NCF2: variants seen among roughly 807,000 people sequenced by gnomAD.
NCF2 encodes neutrophil cytosol factor 2.
Under a neutral mutation model 70.9 loss-of-function variants are expected in NCF2, and 45 were observed. That is an observed-to-expected ratio of 0.63 (90% confidence interval 0.50 to 0.81). The LOEUF is 0.81. Among genes scored for constraint, NCF2 ranks in the 40% least tolerant of loss-of-function variants. NCF2 has a pLI of 0.00. For synonymous variants in NCF2, 203 were observed against 233.6 expected (o/e 0.87, Z 1.19); for missense variants, 522 against 631.6 (o/e 0.83, Z 1.86).
At chr1:183,565,482 C>T (rs1672260021) in intron 10 of NCF2, among the ~76,000 whole-genome samples, 1 of 152,322 alleles carries the variant, frequency 6.6e-6, no homozygotes, top group South Asian at 2.1e-4. Flanking sequence ...TTCACCCAAG[C>T]CCCGTGAGTG....
chr1:183,556,126 C>A lies in NCF2; in HGVS notation c.1573G>T (p.Glu525Ter). ...ATTDLESTRR[E>*]V ...GTAGTTTGTGAAACATCCTAGACTT[C>A]TCTCCGAGTGCTTTCCAAATCTGTA... Residue 525 changes from glutamate (E) to a stop codon, truncating the protein, a stop_gained, in exon 15 of 15, where the codon GAA becomes TAA. Coordinates refer to ENST00000367535, the MANE Select transcript of NCF2 (RefSeq NM_000433.4). LOFTEE classifies it high-confidence loss of function. The A allele has an allele frequency of 1.2e-6, 2 of 1,613,914 alleles. No homozygotes were observed. The highest frequency in any genetic ancestry group is 1.7e-6 in the Non-Finnish European group (2 of 1,179,752).
At chr1:183,572,609 C>G (rs1572161177) in intron 5 of NCF2, among the ~76,000 whole-genome samples, 1 of 152,136 alleles carries the variant, frequency 6.6e-6, no homozygotes, top group Non-Finnish European at 1.5e-5. Flanking sequence ...GGATCCCATG[C>G]TGATCTCTTT....
upstream of NCF2, among the ~76,000 whole-genome samples, chr1:183,591,602 C>T (rs572854374): frequency 1.3e-5 from 2 of 151,928 alleles, no homozygotes; most frequent in African/African-American, 4.8e-5. Context: ...CCTGCCTCAG[C>T]CTCCTGAGTA....
chr1:183,599,470 C>CTTTCTTTCTTTCT, the NCF2 span, among the ~76,000 whole-genome samples: 5 of 137,152 alleles, frequency 3.6e-5, no homozygotes, highest in Admixed American at 3.8e-4. Flanking sequence ...TTCTTTCTTT[C>CTTTCTTTCTTTCT]TTTCTTTCTT....
chr1:183,581,732 G>A (rs563719478), intron 2 of NCF2, among the ~76,000 whole-genome samples: 2 of 151,620 alleles, frequency 1.3e-5, no homozygotes, highest in Admixed American at 6.6e-5. Flanking sequence ...GCAGTGGCGC[G>A]ATCTCGGCTC....
At chr1:183,594,985 G>A (rs767366299), upstream of NCF2, among the ~76,000 whole-genome samples, 15 of 152,200 alleles carry the variant, frequency 9.9e-5, no homozygotes, top group African/African-American at 1.9e-4. Flanking sequence ...TCAGTCTTTC[G>A]CCATGTTTAG....
intron 13 of NCF2, among the ~76,000 whole-genome samples, 194 bp from the exon 14 acceptor site, chr1:183,560,467 T>C (rs980632088): frequency 2.0e-5 from 3 of 152,196 alleles, no homozygotes; most frequent in Admixed American, 1.3e-4. Flanking sequence ...CCCAACCTTT[T>C]TGGCACGAGG....
At chr1:183,566,175 A>G (rs1672290810) in intron 9 of NCF2, among the ~76,000 whole-genome samples, 1 of 152,220 alleles carries the variant, frequency 6.6e-6, no homozygotes, top group South Asian at 2.1e-4. Flanking sequence ...GCATTTGGAT[A>G]TGGTGACTGA....
upstream of NCF2, among the ~76,000 whole-genome samples, chr1:183,594,285 G>A (rs1338849879): frequency 6.6e-6 from 1 of 152,138 alleles, no homozygotes. Flanking sequence ...GCACATGCCT[G>A]TAGCCCCAGC....
intron 5 of NCF2, among the ~76,000 whole-genome samples, chr1:183,571,240 C>T (rs2102899435): frequency 6.6e-6 from 1 of 150,934 alleles, no homozygotes; most frequent in Admixed American, 6.6e-5. Flanking sequence ...GCCTCAGCCT[C>T]CCGAGTAGCT....
At chr1:183,565,597 G>T (rs1672265032) in intron 10 of NCF2, 107 bp downstream of exon 10, 3 of 1,113,180 alleles carry the variant, frequency 2.7e-6, no homozygotes, top group Non-Finnish European at 4.1e-6. Flanking sequence ...GTGACATGTT[G>T]GGAGAAGAAG....
At chr1:183,587,431 G>A (rs1673408144) in intron 1 of NCF2, among the ~76,000 whole-genome samples, 1 of 151,618 alleles carries the variant, frequency 6.6e-6, no homozygotes. Flanking sequence ...CCATCTCTAC[G>A]AAAAATTTAA....
At chr1:183,568,849 C>T (rs950058150) in intron 7 of NCF2, among the ~76,000 whole-genome samples, 8 of 152,024 alleles carry the variant, frequency 5.3e-5, no homozygotes, top group Non-Finnish European at 7.4e-5. Flanking sequence ...TGGCTGTGCA[C>T]GTGGACAGAG....
intron 2 of NCF2, among the ~76,000 whole-genome samples, chr1:183,581,814 T>C (rs933053109): frequency 1.9e-4 from 29 of 152,062 alleles, no homozygotes; most frequent in South Asian, 6.2e-4. Context: ...ACTACAGGCG[T>C]CCGCCACCGC....
the NCF2 span, among the ~76,000 whole-genome samples, chr1:183,599,405 T>G: frequency 1.4e-5 from 2 of 144,868 alleles, no homozygotes; most frequent in African/African-American, 2.6e-5. Context: ...AACCTCTTTT[T>G]CTTTCTTTCT....
chr1:183,582,995 A>T (rs539258527), intron 2 of NCF2, among the ~76,000 whole-genome samples: 1 of 152,168 alleles, frequency 6.6e-6, no homozygotes, highest in Admixed American at 6.5e-5. Flanking sequence ...TAGAGGGGGA[A>T]AAACCTCCAT....
chr1:183,573,043 T>C, intron 5 of NCF2, 142 bp downstream of exon 5: 1 of 809,162 alleles, frequency 1.2e-6, no homozygotes, highest in Non-Finnish European at 2.2e-6. Context: ...CAGCCAAACC[T>C]CTGTCCTATA....
intron 3 of NCF2, 80 bp from the exon 4 acceptor site, chr1:183,574,701 T>C (rs1291487409): frequency 8.5e-6 from 13 of 1,532,034 alleles, no homozygotes; most frequent in Non-Finnish European, 1.1e-5. Flanking sequence ...ACGTATACTC[T>C]GAGAATGTTG....
At chr1:183,595,894 AC>A in the NCF2 span, among the ~76,000 whole-genome samples, 1 of 152,210 alleles carries the variant, frequency 6.6e-6, no homozygotes, top group Non-Finnish European at 1.5e-5. Context: ...GGAGGGGATT[AC>A]ACAAAGGCAA....
Sources: allele counts gnomAD v4.1 joint callset (sites outside exome capture counted in the v4.1 genomes callset), GRCh38; gene constraint gnomAD v4.1.1; transcripts MANE v1.5; gene names NCBI Gene and HGNC (gene_info 2026-07-23, HGNC 2026-07-21).